Variants in HTR1F observed in about 807,000 individuals in gnomAD.
The protein encoded by HTR1F is 5-hydroxytryptamine receptor 1F.
In HTR1F, 17 loss-of-function variants were observed where a neutral mutation model predicts 24.0. That is an observed-to-expected ratio of 0.71 (90% CI 0.48 to 1.06). The LOEUF (loss-of-function observed/expected upper bound fraction) is 1.06. HTR1F is among the 50% of genes least tolerant of loss of function. The pLI, the probability that HTR1F is intolerant of heterozygous loss-of-function variation, is 0.00. For synonymous variants in HTR1F, 186 were observed against 156.8 expected (o/e 1.19, Z -1.39); for missense variants, 391 against 427.8 (o/e 0.91, Z 0.76).
chr3:87,850,488 T>G lies in HTR1F; in HGVS notation c.-43+28364T>G, dbSNP rs1705061241. ...TGGGGGGAGTGGAGAGGGATAACAT[T>G]AGGAGATATACCTAATGTAAATGAC... On this transcript the variant is annotated intron_variant, in intron 2 of 2. Transcript: ENST00000319595. Among the ~76,000 whole-genome samples, 2 of 151,490 alleles carry G rather than the reference T, an allele frequency of 1.3e-5. 1 individual carries two copies. The highest frequency in any genetic ancestry group is 4.9e-5 in the African/African-American group (2 of 41,026).
intron 2 of HTR1F, among the ~76,000 whole-genome samples, chr3:87,888,673 G>A (rs1425483975): frequency 6.6e-6 from 1 of 152,046 alleles, no homozygotes; most frequent in East Asian, 1.9e-4. Flanking sequence ...ATAAGCATAA[G>A]CTCTGCAATC....
At chr3:87,973,309 C>T (rs1220344803) in intron 2 of HTR1F, among the ~76,000 whole-genome samples, 3 of 152,184 alleles carry the variant, frequency 2.0e-5, no homozygotes, top group East Asian at 1.9e-4. Context: ...CAATCCTCAA[C>T]TGCCATAACC....
chr3:87,857,161 C>G (rs910979023), intron 2 of HTR1F, among the ~76,000 whole-genome samples: 1 of 151,744 alleles, frequency 6.6e-6, no homozygotes, highest in Non-Finnish European at 1.5e-5. Context: ...GGAATGGAGA[C>G]AAGCAGATAA....
intron 2 of HTR1F, among the ~76,000 whole-genome samples, chr3:87,977,406 T>C (rs1373531062): frequency 1.7e-4 from 24 of 140,444 alleles, no homozygotes; most frequent in Non-Finnish European, 3.3e-4. Context: ...TTTTTTTTTT[T>C]TTTTTTTTTT....
chr3:87,955,412 A>G (rs1041433335), intron 2 of HTR1F, among the ~76,000 whole-genome samples: 1 of 151,524 alleles, frequency 6.6e-6, no homozygotes, highest in Non-Finnish European at 1.5e-5. Flanking sequence ...GTAGCATTCA[A>G]TTGTATGAAT....
intron 1 of HTR1F, among the ~76,000 whole-genome samples, chr3:87,800,760 T>G (rs368591302): frequency 2.0e-5 from 3 of 152,312 alleles, no homozygotes; most frequent in Non-Finnish European, 1.5e-5. Flanking sequence ...TACCCTTGAG[T>G]AGGAGTGATT....
At chr3:87,953,114 G>A (rs1454258839) in intron 2 of HTR1F, among the ~76,000 whole-genome samples, 2 of 151,136 alleles carry the variant, frequency 1.3e-5, no homozygotes, top group South Asian at 2.1e-4. Context: ...ATAAATATAG[G>A]GAAAACATTT....
chr3:87,991,307 A>G lies in HTR1F; in HGVS notation c.558A>G (p.Thr186=), dbSNP rs369299265. 33 of 1,613,924 alleles carry G rather than the reference A, an allele frequency of 2.0e-5. No homozygotes were observed. The African/African-American group carries it at 2.8e-4, about 14-fold the overall frequency. ...HDHIVSTIYS[T]FGAFYIPLAL... ...ACATTGTTTCCACCATTTACTCAAC[A>G]TTTGGAGCTTTCTACATCCCACTGG... Residue 186 remains threonine (T), a synonymous_variant, in exon 3 of 3, where the codon ACA becomes ACG. Transcript: ENST00000319595.
Position 87,817,727 on chromosome 3 carries a change from A to G in HTR1F, c.-159-4281A>G, listed in dbSNP as rs1430955827. Among the ~76,000 whole-genome samples, 3 of 152,202 alleles carry G rather than the reference A, an allele frequency of 2.0e-5. No individual in the cohort carries two copies. The East Asian group carries it at 5.8e-4, about 29-fold the overall frequency. On this transcript the variant is annotated intron_variant, in intron 1 of 2. Transcript: ENST00000319595. ...TTTAGATGCCTTTACTCCAAGTGACATAAAGGAAGTTTAAATTTAAGAAGT... is the reference window on the plus strand; with the variant it reads ...TTTAGATGCCTTTACTCCAAGTGACGTAAAGGAAGTTTAAATTTAAGAAGT...
intron 2 of HTR1F, among the ~76,000 whole-genome samples, chr3:87,892,110 T>C (rs1706098609): frequency 2.6e-5 from 4 of 152,338 alleles, no homozygotes; most frequent in Admixed American, 2.0e-4. Flanking sequence ...TTTTAGAACC[T>C]ATCAATAGCT....
chr3:87,954,662 G>A (rs7648805), intron 2 of HTR1F, among the ~76,000 whole-genome samples: 66,502 of 151,286 alleles, frequency 0.44, 15,641 homozygotes, highest in African/African-American at 0.61. Context: ...CAAAGAGAAA[G>A]TTGATAGAGT....
chr3:87,866,815 CGTGCGT>C (rs367643155), intron 2 of HTR1F, among the ~76,000 whole-genome samples: 32 of 99,122 alleles, frequency 3.2e-4, no homozygotes, highest in East Asian at 8.0e-4. Context: ...CACAAGTGTG[CGTGCGT>C]GTGTGTGTGT....
chr3:87,859,138 C>T (rs1252888149), intron 2 of HTR1F, among the ~76,000 whole-genome samples: 1 of 152,182 alleles, frequency 6.6e-6, no homozygotes, highest in African/African-American at 2.4e-5. Flanking sequence ...GTGGAGGTTG[C>T]AGTGAGCCAA....
At chr3:87,833,657 A>T (rs969275466) in intron 2 of HTR1F, among the ~76,000 whole-genome samples, 25 of 152,014 alleles carry the variant, frequency 1.6e-4, no homozygotes, top group Non-Finnish European at 3.4e-4. Context: ...TAATTTTTTT[A>T]AAATTTTATG....
intron 2 of HTR1F, among the ~76,000 whole-genome samples, chr3:87,880,617 G>C (rs1431797239): frequency 6.6e-6 from 1 of 150,646 alleles, no homozygotes; most frequent in Non-Finnish European, 1.5e-5. Flanking sequence ...TCTTCAAATT[G>C]TTCAGCTACA....
chr3:87,899,414 G>A (rs1169668517), intron 2 of HTR1F, among the ~76,000 whole-genome samples: 1 of 151,962 alleles, frequency 6.6e-6, no homozygotes, highest in Non-Finnish European at 1.5e-5. Flanking sequence ...GTTTTTACTT[G>A]TCATAATATG....
At chr3:87,985,593 A>C (rs1705646293) in intron 2 of HTR1F, among the ~76,000 whole-genome samples, 1 of 152,240 alleles carries the variant, frequency 6.6e-6, no homozygotes, top group Admixed American at 6.5e-5. Flanking sequence ...ATGCATGGAA[A>C]GCACTTAGTA....
At chr3:87,856,375 C>T (rs72911679) in intron 2 of HTR1F, among the ~76,000 whole-genome samples, 10,382 of 151,974 alleles carry the variant, frequency 0.068, 1,130 homozygotes, top group African/African-American at 0.23. Context: ...TTACTCCCAG[C>T]GAGCATATGG....
chr3:87,819,340 A>AT (rs111877115), intron 1 of HTR1F, among the ~76,000 whole-genome samples: 10,017 of 145,362 alleles, frequency 0.069, 1,002 homozygotes, highest in African/African-American at 0.23. Context: ...ATACAATAAG[A>AT]TTTTTTTTTT....
Sources: allele counts gnomAD v4.1 joint callset (sites outside exome capture counted in the v4.1 genomes callset), GRCh38; gene constraint gnomAD v4.1.1; transcripts MANE v1.5; gene names NCBI Gene and HGNC (gene_info 2026-07-23, HGNC 2026-07-21).